COL24A1: variants seen among roughly 807,000 people sequenced by gnomAD.
COL24A1 encodes collagen type XXIV alpha 1 chain.
Under a neutral mutation model 253.9 loss-of-function variants are expected in COL24A1, and 224 were observed. The observed-to-expected ratio is 0.88, with a 90% CI of 0.79 to 0.99. COL24A1 has a LOEUF of 0.99. Among genes scored for constraint, COL24A1 ranks in the 50% least tolerant of loss-of-function variants. The probability of loss-of-function intolerance (pLI) is 0.00; values close to 1 mark genes in which losing one functional copy is unlikely to be tolerated. For missense variants in COL24A1, 2,131 were observed against 2,068.5 expected (o/e 1.03, Z -0.59); for synonymous variants, 685 against 673.7 (o/e 1.02, Z -0.26).
In COL24A1 at chr1:86,022,965, GAAT is replaced by G; in HGVS notation, c.2089_2091del (p.Ile697del). The G allele has an allele frequency of 6.2e-7, 1 of 1,613,256 alleles. No individual in the cohort carries two copies. The highest frequency in any genetic ancestry group is 8.5e-7 in the Non-Finnish European group (1 of 1,179,508). On this transcript the variant is annotated inframe_deletion, in exon 15 of 60. Coordinates refer to ENST00000370571, the MANE Select transcript of COL24A1 (RefSeq NM_152890.7). ...AAATAGAACCATACCATTGGGCCAG[GAAT>G]TCCAGCAGGTCCAATTGGTCCCACA...
intron 1 of COL24A1, among the ~76,000 whole-genome samples, chr1:86,151,731 C>T (rs574170895): frequency 4.6e-5 from 7 of 152,200 alleles, no homozygotes; most frequent in African/African-American, 4.8e-5. Context: ...TAGGGGAATC[C>T]GAGGGATCTT....
In COL24A1 at chr1:86,156,623, G is replaced by A. The variant is rs959366162; in HGVS notation, c.-227C>T. On this transcript the variant is annotated 5_prime_UTR_variant, in exon 1 of 60. Coordinates refer to ENST00000370571, the MANE Select transcript of COL24A1 (RefSeq NM_152890.7). ...CTTCCTAGCTCTCTGGCTCGGTAAC[G>A]AACGAGCCCAGGGTTGCGCTCCCCG... 8 of 391,546 alleles carry A rather than the reference G, an allele frequency of 2.0e-5. No individual in the cohort carries two copies. The Middle Eastern group carries it at 1.8e-3, about 89-fold the overall frequency. 24.3% of individuals were successfully genotyped at this position (391,546 alleles called of 1,614,324 possible). A position where few individuals can be genotyped will look rare whatever the true frequency, so the allele number is the denominator to read the frequency against.
chr1:85,911,643 T>C (rs1685381493), intron 24 of COL24A1, among the ~76,000 whole-genome samples: 1 of 152,102 alleles, frequency 6.6e-6, no homozygotes, highest in East Asian at 1.9e-4. Context: ...TATCAGTGCC[T>C]AAAATATAAC....
At chr1:85,911,272 T>G in intron 25 of COL24A1, 108 bp downstream of exon 25, 1 of 852,406 alleles carries the variant, frequency 1.2e-6, no homozygotes, top group East Asian at 2.5e-5. Context: ...GGTAATGTGC[T>G]AAAGTTATAA....
chr1:85,780,478 T>C (rs1669035186), intron 52 of COL24A1, among the ~76,000 whole-genome samples: 2 of 152,120 alleles, frequency 1.3e-5, no homozygotes, highest in South Asian at 4.1e-4. Context: ...TTTTATTTCA[T>C]AGCCAAATTT....
chr1:86,062,570 T>C (rs576450135), intron 8 of COL24A1, among the ~76,000 whole-genome samples: 8 of 152,128 alleles, frequency 5.3e-5, no homozygotes, highest in African/African-American at 1.9e-4. Context: ...TCGTCAGTAA[T>C]GACACATGGC....
intron 7 of COL24A1, among the ~76,000 whole-genome samples, chr1:86,066,242 T>C (rs1177884408): frequency 7.0e-6 from 1 of 141,860 alleles, no homozygotes; most frequent in African/African-American, 2.6e-5. Flanking sequence ...TTTTTTTTTT[T>C]TTTTTTTTTT....
chr1:85,736,418 G>C, intron 58 of COL24A1: 1 of 456,226 alleles, frequency 2.2e-6, no homozygotes, highest in South Asian at 1.5e-5. Flanking sequence ...ATAATCCTAT[G>C]CCAACTTCCA....
At chr1:85,891,081 C>T (rs1683079131) in intron 31 of COL24A1, among the ~76,000 whole-genome samples, 1 of 151,186 alleles carries the variant, frequency 6.6e-6, no homozygotes. Context: ...GACGGAGTCT[C>T]ATTCTGTCAC....
chr1:86,156,775 AGTC>A (rs1239923880), upstream of COL24A1: 30 of 161,026 alleles, frequency 1.9e-4, no homozygotes, highest in Non-Finnish European at 3.3e-4. Flanking sequence ...ACTCCAGTGG[AGTC>A]CTCTGCTTTG....
At chr1:85,958,778 T>A (rs191369202) in intron 24 of COL24A1, among the ~76,000 whole-genome samples, 30 of 152,284 alleles carry the variant, frequency 2.0e-4, no homozygotes, top group Admixed American at 1.0e-3. Context: ...TAATTATGGT[T>A]AGATAATTCT....
intron 19 of COL24A1, among the ~76,000 whole-genome samples, chr1:85,990,960 A>G (rs1172116980): frequency 6.6e-6 from 1 of 152,192 alleles, no homozygotes. Context: ...TCCAGCCAGT[A>G]AGTGAAAAAG....
chr1:86,117,727 T>C (rs2102205132), intron 3 of COL24A1, among the ~76,000 whole-genome samples: 1 of 152,342 alleles, frequency 6.6e-6, no homozygotes, highest in South Asian at 2.1e-4. Context: ...CATGACATTT[T>C]TGAGAATAAA....
chr1:85,889,836 G>A (rs1287992677), intron 31 of COL24A1, among the ~76,000 whole-genome samples: 1 of 150,318 alleles, frequency 6.7e-6, no homozygotes. Context: ...TCACAATGTT[G>A]TGTAACCGTT....
intron 28 of COL24A1, among the ~76,000 whole-genome samples, chr1:85,900,337 T>C (rs777534646): frequency 5.9e-5 from 9 of 152,108 alleles, no homozygotes; most frequent in African/African-American, 9.7e-5. Context: ...CCACACTACA[T>C]GACTTTAAAG....
At chr1:85,995,875 C>G (rs1443417378) in intron 19 of COL24A1, among the ~76,000 whole-genome samples, 1 of 152,100 alleles carries the variant, frequency 6.6e-6, no homozygotes, top group Non-Finnish European at 1.5e-5. Context: ...TTCTGCTTAC[C>G]CTTTGCCTTC....
At chr1:85,983,517 G>A (rs1277925169) in intron 20 of COL24A1, among the ~76,000 whole-genome samples, 1 of 151,796 alleles carries the variant, frequency 6.6e-6, no homozygotes, top group Non-Finnish European at 1.5e-5. Flanking sequence ...AAATTGCTCT[G>A]GAAAGAACCC....
intron 14 of COL24A1, chr1:86,030,366 T>G (rs1698456087): frequency 6.6e-6 from 1 of 152,322 alleles, no homozygotes; most frequent in Non-Finnish European, 1.5e-5. Flanking sequence ...TCTCATGCAC[T>G]TGGAAGATCA....
chr1:86,039,462 A>C (rs542827384), intron 12 of COL24A1, among the ~76,000 whole-genome samples: 7 of 152,188 alleles, frequency 4.6e-5, no homozygotes, highest in Admixed American at 6.6e-5. Flanking sequence ...GAGGACCAAG[A>C]TAACCATAAA....
Sources: allele counts gnomAD v4.1 joint callset (sites outside exome capture counted in the v4.1 genomes callset), GRCh38; gene constraint gnomAD v4.1.1; transcripts MANE v1.5; gene names NCBI Gene and HGNC (gene_info 2026-07-23, HGNC 2026-07-21).